Variants in TGFB2 observed in about 807,000 individuals in gnomAD.
The protein encoded by TGFB2 is transforming growth factor beta 2.
TGFB2 carries 13 observed loss-of-function variants against 42.7 expected under a neutral mutation model. The ratio of observed to expected loss-of-function variants is 0.30; its 90% confidence interval spans 0.20 to 0.48. The LOEUF is 0.48. Among genes scored for constraint, TGFB2 ranks in the 20% least tolerant of loss-of-function variants. The probability of loss-of-function intolerance (pLI) is 0.99; values close to 1 mark genes in which losing one functional copy is unlikely to be tolerated. For missense variants in TGFB2, 390 were observed against 517.5 expected (o/e 0.75, Z 2.39); for synonymous variants, 193 against 193.6 (o/e 1.00, Z 0.03).
At chr1:218,405,576 C>T in intron 2 of TGFB2, 1 of 543,244 alleles carries the variant, frequency 1.8e-6, no homozygotes, top group Middle Eastern at 3.1e-4. Flanking sequence ...ACCGTGTTGC[C>T]CTGGCTGATC....
At chr1:218,380,917 G>A (rs1219288747) in intron 1 of TGFB2, among the ~76,000 whole-genome samples, 1 of 152,168 alleles carries the variant, frequency 6.6e-6, no homozygotes, top group African/African-American at 2.4e-5. Flanking sequence ...GCTTTCATGA[G>A]CCTATCTCAT....
intron 2 of TGFB2, among the ~76,000 whole-genome samples, chr1:218,419,714 C>T (rs931223371): frequency 2.6e-5 from 4 of 152,088 alleles, no homozygotes; most frequent in African/African-American, 9.7e-5. Context: ...AAATTCTGCT[C>T]CATTTGTTTT....
At chr1:218,394,884 C>T (rs1658446324) in intron 1 of TGFB2, among the ~76,000 whole-genome samples, 1 of 152,170 alleles carries the variant, frequency 6.6e-6, no homozygotes, top group African/African-American at 2.4e-5. Flanking sequence ...CTGGCTGTGT[C>T]TGTGCACACA....
At chr1:218,387,297 G>A (rs1227886724) in intron 1 of TGFB2, among the ~76,000 whole-genome samples, 1 of 152,108 alleles carries the variant, frequency 6.6e-6, no homozygotes, top group East Asian at 1.9e-4. Flanking sequence ...AGGGAGTTTG[G>A]GGTCAGAAGG....
chr1:218,383,012 T>G (rs543508642), intron 1 of TGFB2, among the ~76,000 whole-genome samples: 78 of 152,380 alleles, frequency 5.1e-4, no homozygotes, highest in African/African-American at 1.7e-3. Flanking sequence ...GACACTAGCC[T>G]ACTGTAAATT....
At chr1:218,411,526 G>T (rs1488124082) in intron 2 of TGFB2, among the ~76,000 whole-genome samples, 3 of 152,050 alleles carry the variant, frequency 2.0e-5, no homozygotes, top group African/African-American at 4.8e-5. Flanking sequence ...TTTCTTACAT[G>T]GGGACTCAGG....
chr1:218,363,280 G>T (rs1179090078), intron 1 of TGFB2: 9 of 1,413,124 alleles, frequency 6.4e-6, no homozygotes, highest in Non-Finnish European at 9.0e-6. Flanking sequence ...ATAGTTCTGT[G>T]CCAGGCATCT....
rs1571908522 is a variant in TGFB2 at position 218,442,101 on chromosome 1, C to A, written c.*739C>A. 1 of 151,712 alleles carries A rather than the reference C, an allele frequency of 6.6e-6. No homozygotes were observed. Among genetic ancestry groups the A allele is most frequent in the African/African-American group, 2.4e-5 (1 of 41,372 alleles). 9.4% of individuals were successfully genotyped at this position (151,712 alleles called of 1,614,324 possible). ...GGAAGCTTCTTGTAAGGTCCAAAAA[C>A]TAAAAAGACTGTTAATAAAAGAAAC... On this transcript the variant is annotated 3_prime_UTR_variant, in exon 7 of 7. Coordinates refer to ENST00000366930, the MANE Select transcript of TGFB2 (RefSeq NM_003238.6).
intron 1 of TGFB2, among the ~76,000 whole-genome samples, chr1:218,379,182 G>T (rs1024686167): frequency 6.9e-6 from 1 of 145,254 alleles, no homozygotes; most frequent in Non-Finnish European, 1.5e-5. Context: ...ACCCAGGCTG[G>T]AGTGCAGTGG....
At chr1:218,369,688 A>T (rs904453712) in intron 1 of TGFB2, among the ~76,000 whole-genome samples, 5 of 152,202 alleles carry the variant, frequency 3.3e-5, no homozygotes, top group East Asian at 1.9e-4. Flanking sequence ...CATGATGGCC[A>T]GGGACATGTG....
intron 1 of TGFB2, among the ~76,000 whole-genome samples, chr1:218,397,423 G>A (rs191583603): frequency 2.5e-4 from 38 of 152,114 alleles, no homozygotes; most frequent in African/African-American, 8.2e-4. Context: ...AATTAGCCGG[G>A]CATGGTGGTG....
chr1:218,385,029 C>A (rs1218671929), intron 1 of TGFB2, among the ~76,000 whole-genome samples: 1 of 152,140 alleles, frequency 6.6e-6, no homozygotes, highest in Non-Finnish European at 1.5e-5. Flanking sequence ...CCAGAGTGAA[C>A]CCTTCCCATG....
At chr1:218,403,959 T>C (rs1658818161) in intron 1 of TGFB2, among the ~76,000 whole-genome samples, 1 of 148,246 alleles carries the variant, frequency 6.7e-6, no homozygotes, top group South Asian at 2.1e-4. Context: ...GCTTGATAAA[T>C]GAATATTGTA....
intron 1 of TGFB2, among the ~76,000 whole-genome samples, chr1:218,352,174 G>A (rs1334144445): frequency 2.8e-5 from 4 of 141,174 alleles, no homozygotes; most frequent in Non-Finnish European, 4.5e-5. Flanking sequence ...AAGGTGAGCA[G>A]CCGAGCAAGA....
At chr1:218,391,548 G>A (rs2102578810) in intron 1 of TGFB2, among the ~76,000 whole-genome samples, 1 of 152,252 alleles carries the variant, frequency 6.6e-6, no homozygotes, top group East Asian at 1.9e-4. Context: ...ACACAACACT[G>A]TGCCCTGCAG....
intron 4 of TGFB2, 127 bp from the exon 5 acceptor site, chr1:218,435,843 T>G: frequency 1.1e-6 from 1 of 905,228 alleles, no homozygotes; most frequent in Non-Finnish European, 1.7e-6. Context: ...GAATAACTGT[T>G]GCCAGCTGAT....
At chr1:218,423,238 C>G (rs1053933692) in intron 2 of TGFB2, among the ~76,000 whole-genome samples, 1 of 152,172 alleles carries the variant, frequency 6.6e-6, no homozygotes, top group Non-Finnish European at 1.5e-5. Flanking sequence ...CTACCAGTGT[C>G]AGCAAACCAA....
At chr1:218,375,834 T>G (rs1269845349) in intron 1 of TGFB2, among the ~76,000 whole-genome samples, 1 of 152,146 alleles carries the variant, frequency 6.6e-6, no homozygotes, top group African/African-American at 2.4e-5. Context: ...ACCTAGGTGA[T>G]GGGATGATCT....
intron 1 of TGFB2, among the ~76,000 whole-genome samples, chr1:218,369,209 C>T (rs1326921982): frequency 2.4e-5 from 3 of 123,950 alleles, no homozygotes; most frequent in Admixed American, 1.1e-4. Context: ...AAGCCGAGAT[C>T]GTGCCTCTTC....
Sources: allele counts gnomAD v4.1 joint callset (sites outside exome capture counted in the v4.1 genomes callset), GRCh38; gene constraint gnomAD v4.1.1; transcripts MANE v1.5; gene names NCBI Gene and HGNC (gene_info 2026-07-23, HGNC 2026-07-21).